The following JAKMIP3 variants were observed in gnomAD, a reference collection of about 807,000 sequenced individuals.
The protein encoded by JAKMIP3 is Janus kinase and microtubule interacting protein 3, also known as janus kinase and microtubule-interacting protein 3.
In JAKMIP3, 58 loss-of-function variants were observed where a neutral mutation model predicts 118.5. The observed-to-expected ratio is 0.49, with a 90% CI of 0.40 to 0.61. JAKMIP3 has a LOEUF of 0.61. JAKMIP3 is among the 20% of genes least tolerant of loss of function. The probability of loss-of-function intolerance (pLI) is 0.00; values close to 1 mark genes in which losing one functional copy is unlikely to be tolerated. For missense variants in JAKMIP3, 950 were observed against 1,109.0 expected, an observed-to-expected ratio of 0.86 and a Z score of 2.04; for synonymous variants, 486 against 451.2, an observed-to-expected ratio of 1.08 and a Z score of -0.98.
At chr10:132,045,992 A>G (rs1004843928) in intron 1 of JAKMIP3, among the ~76,000 whole-genome samples, 21 of 152,008 alleles carry the variant, frequency 1.4e-4, no homozygotes, top group African/African-American at 4.6e-4. Context: ...ATTTACACAC[A>G]ATGAAATGCA....
chr10:132,108,564 C>T (rs552279164), intron 2 of JAKMIP3, among the ~76,000 whole-genome samples: 2 of 152,134 alleles, frequency 1.3e-5, no homozygotes, highest in East Asian at 3.9e-4. Context: ...GCTCTCTGAC[C>T]CTGCTCCTAC....
At chr10:132,153,091 A>G in intron 17 of JAKMIP3, 68 bp downstream of exon 17, 6 of 1,313,498 alleles carry the variant, frequency 4.6e-6, no homozygotes, top group Non-Finnish European at 6.5e-6. Flanking sequence ...TGCTCAGCTC[A>G]GAGGTGGTGA....
chr10:132,115,209 AG>A (rs2135279690), intron 2 of JAKMIP3, among the ~76,000 whole-genome samples: 1 of 100,340 alleles, frequency 1.0e-5, no homozygotes, highest in Admixed American at 8.3e-5. Flanking sequence ...GATCGCGGCT[AG>A]GGGTCACCCT....
chr10:132,090,548 G>T (rs892476793), intron 1 of JAKMIP3, among the ~76,000 whole-genome samples: 1 of 152,160 alleles, frequency 6.6e-6, no homozygotes, highest in African/African-American at 2.4e-5. Context: ...TGTGGGATCA[G>T]TGGTGATAAC....
chr10:132,074,721 T>C (rs2094741), intron 1 of JAKMIP3, among the ~76,000 whole-genome samples: 117,533 of 152,218 alleles, frequency 0.77, 46,709 homozygotes, highest in East Asian at 1. Context: ...GTTGAGTTTG[T>C]TTTTGCGGAC....
chr10:132,179,526 G>A lies in JAKMIP3; in HGVS notation c.*1104-2831G>A, dbSNP rs975210722. 2.6e-5 allele frequency among the ~76,000 whole-genome samples: 4 copies of A among 152,190 alleles called. No individual in the cohort carries two copies. The highest frequency in any genetic ancestry group is 9.7e-5 in the African/African-American group (4 of 41,438). The stretch of plus-strand genomic sequence containing the variant: ...ACACTCACATAAACATTTGCCACGT[G>A]AATGGCCAAGTACGTAAAAGAATGC... On this transcript the variant is annotated intron_variant, in intron 23 of 23. Coordinates refer to ENST00000684848, the MANE Select transcript of JAKMIP3 (RefSeq NM_001323087.2). The surrounding 1 kb of genome is among the most constrained non-coding windows in gnomAD (Gnocchi z 4.3).
At chr10:132,165,862 C>T (rs2058844829) in intron 21 of JAKMIP3, among the ~76,000 whole-genome samples, 1 of 152,218 alleles carries the variant, frequency 6.6e-6, no homozygotes, top group Non-Finnish European at 1.5e-5. Context: ...CGGTGGACTC[C>T]AGGCCACGTG....
At chr10:132,176,977 T>C (rs2060198762) in intron 23 of JAKMIP3, among the ~76,000 whole-genome samples, 1 of 152,152 alleles carries the variant, frequency 6.6e-6, no homozygotes, top group Non-Finnish European at 1.5e-5. Context: ...TTGTTTAGAA[T>C]CTTTCTGTTT....
At chr10:132,133,018 G>T (rs2050937657) in intron 3 of JAKMIP3, among the ~76,000 whole-genome samples, 2 of 152,190 alleles carry the variant, frequency 1.3e-5, no homozygotes, top group Non-Finnish European at 2.9e-5. Flanking sequence ...TGCACCCAGG[G>T]CCCCGGCAGG....
chr10:132,102,319 T>A (rs2134798774), intron 1 of JAKMIP3, among the ~76,000 whole-genome samples: 1 of 152,258 alleles, frequency 6.6e-6, no homozygotes, highest in South Asian at 2.1e-4. Flanking sequence ...ATGCCTCTGA[T>A]GACGTCCGCG....
intron 1 of JAKMIP3, among the ~76,000 whole-genome samples, chr10:132,104,044 G>A (rs1256778921): frequency 1.3e-5 from 2 of 152,162 alleles, no homozygotes; most frequent in Non-Finnish European, 2.9e-5. Context: ...CTGTCATAGC[G>A]TGTGTCCGAA....
At chr10:132,108,654 T>C (rs533836560) in intron 2 of JAKMIP3, among the ~76,000 whole-genome samples, 2 of 150,602 alleles carry the variant, frequency 1.3e-5, no homozygotes, top group East Asian at 4.0e-4. Context: ...TACCTGGTCC[T>C]GTCTCCCACT....
chr10:132,141,324 G>T (rs997888324), intron 10 of JAKMIP3, among the ~76,000 whole-genome samples: 1 of 152,212 alleles, frequency 6.6e-6, no homozygotes, highest in African/African-American at 2.4e-5. Flanking sequence ...GTCACTCCTA[G>T]ACGTGGCCAA....
At chr10:132,095,874 C>T (rs1237001494) in intron 1 of JAKMIP3, among the ~76,000 whole-genome samples, 1 of 152,192 alleles carries the variant, frequency 6.6e-6, no homozygotes, top group African/African-American at 2.4e-5. Flanking sequence ...GCAGGAGTGG[C>T]CCACCACAGA....
chr10:132,111,456 G>A (rs997478846), intron 2 of JAKMIP3, among the ~76,000 whole-genome samples: 5 of 152,120 alleles, frequency 3.3e-5, no homozygotes, highest in South Asian at 2.1e-4. Flanking sequence ...CTCGAGCGCC[G>A]GGAAGTCCAG....
At chr10:132,059,791 G>A (rs2038342461), upstream of JAKMIP3, among the ~76,000 whole-genome samples, 1 of 152,250 alleles carries the variant, frequency 6.6e-6, no homozygotes, top group Admixed American at 6.5e-5. Flanking sequence ...CCTTGTCACT[G>A]GCCTTGCTAA....
chr10:132,139,485 TGA>T (rs199673075), intron 9 of JAKMIP3, among the ~76,000 whole-genome samples: 2,688 of 144,324 alleles, frequency 0.019, 32 homozygotes, highest in Non-Finnish European at 0.027. Flanking sequence ...TGAGTGTGTG[TGA>T]GAGTATGTGA....
At chr10:132,148,942 G>A (rs1404113581) in intron 14 of JAKMIP3, among the ~76,000 whole-genome samples, 2 of 152,222 alleles carry the variant, frequency 1.3e-5, no homozygotes, top group African/African-American at 4.8e-5. Flanking sequence ...ACTGCCGGAG[G>A]ACAGGGCAGC....
intron 3 of JAKMIP3, among the ~76,000 whole-genome samples, chr10:132,125,168 C>A (rs187476821): frequency 4.6e-5 from 7 of 152,342 alleles, no homozygotes; most frequent in African/African-American, 1.7e-4. Flanking sequence ...GTGAAGTTGC[C>A]CCCTCTGTGT....
Sources: allele counts gnomAD v4.1 joint callset (sites outside exome capture counted in the v4.1 genomes callset), GRCh38; gene constraint gnomAD v4.1.1; non-coding constraint Gnocchi (gnomAD v3.1); transcripts MANE v1.5; gene names NCBI Gene and HGNC (gene_info 2026-07-23, HGNC 2026-07-21).